Variants in PCGF5 observed in about 807,000 individuals in gnomAD.
PCGF5 encodes the protein polycomb group ring finger 5, also known as polycomb group RING finger protein 5.
A neutral mutation model predicts 44.3 loss-of-function variants in PCGF5; 9 were observed. The observed-to-expected ratio is 0.20, with a 90% CI of 0.12 to 0.35. The LOEUF (loss-of-function observed/expected upper bound fraction) is 0.35, where lower values mean the gene tolerates loss of function less well. Ranked by LOEUF, PCGF5 falls within the 10% of genes least tolerant of loss-of-function variation. PCGF5 has a pLI of 1.00. For missense variants in PCGF5, 146 were observed against 305.3 expected, an observed-to-expected ratio of 0.48 and a Z score of 3.89; for synonymous variants, 95 against 102.5, an observed-to-expected ratio of 0.93 and a Z score of 0.44.
chr10:91,214,767 T>C (rs1256799844), intron 1 of PCGF5, among the ~76,000 whole-genome samples: 2 of 152,142 alleles, frequency 1.3e-5, no homozygotes, highest in African/African-American at 4.8e-5. Flanking sequence ...GATGATTGCA[T>C]TGGGTCTGAG....
chr10:91,162,142 T>C (rs1427609767), upstream of PCGF5, among the ~76,000 whole-genome samples: 1 of 151,938 alleles, frequency 6.6e-6, no homozygotes, highest in Non-Finnish European at 1.5e-5. Flanking sequence ...GTGTTGTCTG[T>C]AAACGGAGGC....
intron 1 of PCGF5, among the ~76,000 whole-genome samples, chr10:91,171,725 G>A (rs192448277): frequency 6.6e-6 from 1 of 152,244 alleles, no homozygotes; most frequent in Non-Finnish European, 1.5e-5. Flanking sequence ...TGAGGGTAGT[G>A]GTGAAGGGCA....
intron 6 of PCGF5, among the ~76,000 whole-genome samples, chr10:91,253,562 G>A (rs952328479): frequency 2.0e-5 from 3 of 152,014 alleles, no homozygotes; most frequent in African/African-American, 7.2e-5. Context: ...TTTTAGTTAT[G>A]ACTGCTGTCT....
intron 1 of PCGF5, among the ~76,000 whole-genome samples, chr10:91,214,323 AGG>A (rs1042940384): frequency 6.6e-6 from 1 of 150,766 alleles, no homozygotes; most frequent in African/African-American, 2.4e-5. Context: ...AAAAAAAAAA[AGG>A]AGAGACAGAC....
chr10:91,238,770 AT>A (rs1310108919), intron 2 of PCGF5, among the ~76,000 whole-genome samples: 1 of 151,896 alleles, frequency 6.6e-6, no homozygotes, highest in African/African-American at 2.4e-5. Context: ...CCCAAAGATT[AT>A]TTTGACTTGA....
rs1307110466 is a variant in PCGF5 at position 91,260,909 on chromosome 10, T to C, written c.475-417T>C. 7.2e-5 allele frequency among the ~76,000 whole-genome samples: 11 copies of C among 151,952 alleles called. No individual in the cohort carries two copies. In the East Asian group the frequency reaches 1.9e-3, roughly 27 times the overall value. On this transcript the variant is annotated intron_variant, in intron 6 of 9. Coordinates refer to ENST00000336126, the MANE Select transcript of PCGF5 (RefSeq NM_032373.5). ...CACCAACATGGCACATGTATACATA[T>C]GTAACAAACCTGCACGTTGTGCACA...
intron 1 of PCGF5, among the ~76,000 whole-genome samples, chr10:91,209,238 T>C (rs1287218943): frequency 1.3e-5 from 2 of 152,194 alleles, no homozygotes; most frequent in African/African-American, 4.8e-5. Flanking sequence ...ATTAATTATG[T>C]TAATTGATGG....
chr10:91,251,851 A>G (rs1414872967), intron 6 of PCGF5, among the ~76,000 whole-genome samples: 4 of 152,004 alleles, frequency 2.6e-5, no homozygotes, highest in African/African-American at 9.7e-5. Flanking sequence ...CAAGATTTCC[A>G]TGTCAGAGCT....
At chr10:91,178,868 A>G (rs531164192) in intron 1 of PCGF5, among the ~76,000 whole-genome samples, 1 of 152,206 alleles carries the variant, frequency 6.6e-6, no homozygotes, top group East Asian at 1.9e-4. Context: ...TTTTGCACCA[A>G]CGTAATACAT....
chr10:91,235,568 G>T (rs1031925898), intron 2 of PCGF5, among the ~76,000 whole-genome samples: 1 of 151,996 alleles, frequency 6.6e-6, no homozygotes, highest in Non-Finnish European at 1.5e-5. Flanking sequence ...GCCGGGCATG[G>T]TGGCCGATAT....
At chr10:91,161,451 G>A (rs1239044148), upstream of PCGF5, among the ~76,000 whole-genome samples, 1 of 152,058 alleles carries the variant, frequency 6.6e-6, no homozygotes, top group Non-Finnish European at 1.5e-5. Flanking sequence ...TGATCAGACA[G>A]CGACAAACCC....
chr10:91,225,437 GAA>G (rs1844804794), intron 2 of PCGF5, among the ~76,000 whole-genome samples: 1 of 151,548 alleles, frequency 6.6e-6, no homozygotes, highest in African/African-American at 2.4e-5. Flanking sequence ...TACTGAGAGA[GAA>G]TGAACATTGT....
At chr10:91,218,661 C>A (rs1484049259), upstream of PCGF5, among the ~76,000 whole-genome samples, 2 of 152,072 alleles carry the variant, frequency 1.3e-5, no homozygotes, top group African/African-American at 4.8e-5. Flanking sequence ...GAGACAGAGC[C>A]TTGCTCTGTC....
chr10:91,178,887 A>G (rs1162712634), intron 1 of PCGF5, among the ~76,000 whole-genome samples: 3 of 152,228 alleles, frequency 2.0e-5, no homozygotes, highest in African/African-American at 7.2e-5. Context: ...ATGAAGCATT[A>G]TTATTTGGAA....
Position 91,248,520 on chromosome 10 carries a change from A to G in PCGF5, c.225A>G (p.Leu75=), listed in dbSNP as rs1186708002. The change falls in exon 4 of 10, where the codon TTA becomes TTG. Residue 75 remains leucine (L), a synonymous_variant. Transcript: ENST00000336126. ...CCTTTCGAAGGTTGGACAATACATT[A>G]GAGGAAATTATATTTAAGCTGGTCC... ...PLEMLRLDNT[L]EEIIFKLVPG... 1.2e-6 allele frequency: 2 copies of G among 1,612,904 alleles called. No homozygotes were observed. The highest frequency in any genetic ancestry group is 2.2e-5 in the East Asian group (1 of 44,834).
chr10:91,265,742 A>G (rs995544019), intron 8 of PCGF5, among the ~76,000 whole-genome samples: 1 of 152,186 alleles, frequency 6.6e-6, no homozygotes, highest in Non-Finnish European at 1.5e-5. Flanking sequence ...TTGATATCAT[A>G]TAATAATAAA....
At chr10:91,167,146 G>A (rs12255787) in intron 1 of PCGF5, among the ~76,000 whole-genome samples, 2,565 of 142,580 alleles carry the variant, frequency 0.018, 84 homozygotes, top group African/African-American at 0.075. Flanking sequence ...CTTCTTAAGA[G>A]TTTGTCTAAA....
intron 1 of PCGF5, among the ~76,000 whole-genome samples, chr10:91,206,598 T>A (rs1327135395): frequency 6.6e-6 from 1 of 152,138 alleles, no homozygotes; most frequent in Admixed American, 6.5e-5. Flanking sequence ...AACTGCATAG[T>A]TGCCAGTCTG....
At position 91,176,227 on chromosome 10, in the gene PCGF5, T is replaced by C. The variant is rs12241814; in HGVS notation, c.-184+13146T>C. ...TGAAAATTCTTTTCTTTAAGAATGT[T>C]GAATATTGGCCCCCACTCTCTTCTG... On this transcript the variant is annotated intron_variant, in intron 1 of 9. Coordinates refer to the PCGF5 transcript ENST00000614189. 2.9e-3 allele frequency among the ~76,000 whole-genome samples: 437 copies of C among 152,310 alleles called. 1 individual carries two copies. Among genetic ancestry groups the C allele is most frequent in the African/African-American group, 0.01 (426 of 41,552 alleles).
Sources: allele counts gnomAD v4.1 joint callset (sites outside exome capture counted in the v4.1 genomes callset), GRCh38; gene constraint gnomAD v4.1.1; transcripts MANE v1.5; gene names NCBI Gene and HGNC (gene_info 2026-07-23, HGNC 2026-07-21).